Variants in TMTC2 observed in about 807,000 individuals in gnomAD.
TMTC2 encodes the protein protein O-mannosyl-transferase TMTC2.
In TMTC2, 43 loss-of-function variants were observed where a neutral mutation model predicts 82.4. The ratio of observed to expected loss-of-function variants is 0.52; its 90% CI spans 0.41 to 0.67. The LOEUF is 0.67. TMTC2 is among the 30% of genes least tolerant of loss of function. TMTC2 has a pLI of 0.00. For missense variants in TMTC2, 919 were observed against 1,012.4 expected (o/e 0.91, Z 1.25); for synonymous variants, 408 against 381.9 (o/e 1.07, Z -0.80).
chr12:82,889,267 C>CA (rs1273833107), intron 2 of TMTC2, among the ~76,000 whole-genome samples: 1,039 of 87,256 alleles, frequency 0.012, 7 homozygotes, highest in Non-Finnish European at 0.018. Flanking sequence ...ACAGAGTCTC[C>CA]AAAAAAAAAA....
At chr12:82,886,700 A>C (rs1873118227) in intron 2 of TMTC2, among the ~76,000 whole-genome samples, 1 of 152,212 alleles carries the variant, frequency 6.6e-6, no homozygotes, top group African/African-American at 2.4e-5. Flanking sequence ...GGAGAAAACA[A>C]ATGTTTCTAA....
chr12:82,750,976 C>T (rs867100722), intron 1 of TMTC2, among the ~76,000 whole-genome samples: 1 of 152,106 alleles, frequency 6.6e-6, no homozygotes, highest in Admixed American at 6.5e-5. Context: ...CCCAGGCAAG[C>T]GTGACTTCAG....
At chr12:82,894,107 C>G (rs1339149125) in intron 2 of TMTC2, among the ~76,000 whole-genome samples, 2 of 152,130 alleles carry the variant, frequency 1.3e-5, no homozygotes, top group Non-Finnish European at 2.9e-5. Context: ...GGAGGAGGAA[C>G]TGTTTTATTT....
intron 1 of TMTC2, among the ~76,000 whole-genome samples, chr12:82,778,456 C>T (rs1397062691): frequency 6.6e-6 from 1 of 152,124 alleles, no homozygotes; most frequent in Non-Finnish European, 1.5e-5. Context: ...TGGCTCATGC[C>T]TGTAATCCCA....
At chr12:82,898,642 T>C (rs1873802375) in intron 3 of TMTC2, among the ~76,000 whole-genome samples, 1 of 152,204 alleles carries the variant, frequency 6.6e-6, no homozygotes, top group African/African-American at 2.4e-5. Context: ...ACCCTGTCCT[T>C]ATGGTCCAAG....
At chr12:83,030,709 G>A (rs930742626) in intron 8 of TMTC2, 89 bp from the exon 9 acceptor site, 4 of 998,224 alleles carry the variant, frequency 4.0e-6, no homozygotes, top group South Asian at 1.5e-5. Flanking sequence ...TGATTACCAA[G>A]TAGACATTTG....
At chr12:82,876,743 G>A (rs1872603552) in intron 2 of TMTC2, among the ~76,000 whole-genome samples, 1 of 151,960 alleles carries the variant, frequency 6.6e-6, no homozygotes, top group Non-Finnish European at 1.5e-5. Flanking sequence ...GCAACGATTT[G>A]TAATATTTAC....
chr12:82,987,447 A>T (rs1879204277), intron 8 of TMTC2, among the ~76,000 whole-genome samples: 1 of 151,770 alleles, frequency 6.6e-6, no homozygotes, highest in Admixed American at 6.6e-5. Flanking sequence ...AGAAAAAAAA[A>T]AAAGAAATCA....
intron 2 of TMTC2, among the ~76,000 whole-genome samples, chr12:82,865,948 G>A (rs960866003): frequency 6.6e-6 from 1 of 152,138 alleles, no homozygotes; most frequent in Non-Finnish European, 1.5e-5. Context: ...AAATAAAGAT[G>A]TTCTTTGAAA....
At chr12:82,719,085 A>ATTTTTTTT (rs71068944) in intron 1 of TMTC2, among the ~76,000 whole-genome samples, 9 of 41,414 alleles carry the variant, frequency 2.2e-4, no homozygotes, top group East Asian at 1.9e-3. Context: ...ATATATATAT[A>ATTTTTTTT]TTTTTTTTTT....
At chr12:82,839,874 T>C (rs1472503921) in intron 1 of TMTC2, among the ~76,000 whole-genome samples, 1 of 152,222 alleles carries the variant, frequency 6.6e-6, no homozygotes, top group East Asian at 1.9e-4. Context: ...CATCCATCTT[T>C]CCAGCTGAGT....
intron 9 of TMTC2, among the ~76,000 whole-genome samples, chr12:83,046,662 T>G (rs7137994): frequency 2.0e-5 from 3 of 152,022 alleles, no homozygotes; most frequent in Admixed American, 2.0e-4. Flanking sequence ...GGCTTGTCTC[T>G]GTCTTGATGG....
intron 1 of TMTC2, among the ~76,000 whole-genome samples, chr12:82,771,850 A>G (rs1256126581): frequency 6.6e-6 from 1 of 152,120 alleles, no homozygotes; most frequent in African/African-American, 2.4e-5. Flanking sequence ...GATAGGAAGG[A>G]AAGTAGGTAA....
At chr12:82,783,353 G>T (rs956640686) in intron 1 of TMTC2, among the ~76,000 whole-genome samples, 1 of 151,136 alleles carries the variant, frequency 6.6e-6, no homozygotes, top group Non-Finnish European at 1.5e-5. Context: ...GGCAGACAGC[G>T]TGCTTCTAAG....
At chr12:82,724,578 C>T (rs1412130015) in intron 1 of TMTC2, among the ~76,000 whole-genome samples, 4 of 152,108 alleles carry the variant, frequency 2.6e-5, no homozygotes, top group Non-Finnish European at 5.9e-5. Flanking sequence ...TTTCCTGAGG[C>T]CTCCCCATGC....
At chr12:82,841,903 G>T (rs1022562470) in intron 1 of TMTC2, among the ~76,000 whole-genome samples, 2 of 152,180 alleles carry the variant, frequency 1.3e-5, no homozygotes, top group Admixed American at 6.5e-5. Flanking sequence ...GTTAAAAGAA[G>T]ACTTTCTTTT....
intron 1 of TMTC2, among the ~76,000 whole-genome samples, chr12:82,744,581 TAAAA>T (rs369793885): frequency 1.7e-5 from 2 of 115,520 alleles, no homozygotes; most frequent in Admixed American, 1.0e-4. Flanking sequence ...ACTCTGACTC[TAAAA>T]AAAAAAAAAA....
intron 3 of TMTC2, among the ~76,000 whole-genome samples, chr12:82,915,802 C>G (rs947792242): frequency 6.6e-6 from 1 of 152,200 alleles, no homozygotes; most frequent in African/African-American, 2.4e-5. Context: ...GGAGACAATT[C>G]TATTCCTGAT....
intron 1 of TMTC2, among the ~76,000 whole-genome samples, chr12:82,846,953 T>C (rs1036448601): frequency 2.0e-5 from 3 of 152,046 alleles, no homozygotes; most frequent in African/African-American, 7.3e-5. Flanking sequence ...GTGCCTTCCT[T>C]TACCCTAGGG....
Sources: gnomAD v4.1 joint callset for allele counts (sites outside exome capture counted in the v4.1 genomes callset) on GRCh38, gnomAD v4.1.1 for gene constraint, MANE v1.5 for transcripts, NCBI Gene and HGNC (gene_info 2026-07-23, HGNC 2026-07-21) for gene names.